Variants in PAPSS1 observed in about 807,000 individuals in gnomAD.
PAPSS1 encodes the protein 3'-phosphoadenosine 5'-phosphosulfate synthase 1.
In PAPSS1, 50 loss-of-function variants were observed where a neutral mutation model predicts 72.0. The ratio of observed to expected loss-of-function variants is 0.69; its 90% CI spans 0.55 to 0.88. PAPSS1 has a LOEUF of 0.88. PAPSS1 is among the 40% of genes least tolerant of loss of function. The probability of loss-of-function intolerance (pLI) is 0.00; values close to 1 mark genes in which losing one functional copy is unlikely to be tolerated. For synonymous variants in PAPSS1, 261 were observed against 263.6 expected (o/e 0.99, Z 0.09); for missense variants, 657 against 782.2 (o/e 0.84, Z 1.91).
At chr4:107,620,023 C>T (rs1212321523) in intron 11 of PAPSS1, among the ~76,000 whole-genome samples, 1 of 152,216 alleles carries the variant, frequency 6.6e-6, no homozygotes, top group East Asian at 1.9e-4. Context: ...CAACCATCTG[C>T]TGTTTCTCAC....
At chr4:107,685,097 G>A (rs1722743636) in intron 4 of PAPSS1, among the ~76,000 whole-genome samples, 2 of 152,130 alleles carry the variant, frequency 1.3e-5, no homozygotes, top group South Asian at 2.1e-4. Flanking sequence ...GTAGAGACGG[G>A]GTTTCACCGT....
chr4:107,634,056 C>T (rs1482491365), intron 10 of PAPSS1, among the ~76,000 whole-genome samples: 1 of 152,050 alleles, frequency 6.6e-6, no homozygotes, highest in Non-Finnish European at 1.5e-5. Flanking sequence ...CTTACTCTGT[C>T]ACTCAGGCTG....
chr4:107,719,907 C>A, intron 1 of PAPSS1: 1 of 1,360,194 alleles, frequency 7.4e-7, no homozygotes, highest in Non-Finnish European at 9.4e-7. Context: ...CCGCACGCTG[C>A]GCCAAGCTAG....
chr4:107,692,759 G>C (rs959528398), intron 3 of PAPSS1, among the ~76,000 whole-genome samples: 1 of 150,722 alleles, frequency 6.6e-6, no homozygotes, highest in Non-Finnish European at 1.5e-5. Flanking sequence ...CGATAGACTG[G>C]ATAAAGAAAA....
At chr4:107,691,553 G>A (rs933471660) in intron 3 of PAPSS1, among the ~76,000 whole-genome samples, 7 of 152,114 alleles carry the variant, frequency 4.6e-5, no homozygotes, top group Non-Finnish European at 1.0e-4. Flanking sequence ...TCCAAGAGCC[G>A]GGCTTGGCAT....
At chr4:107,658,092 A>T (rs954777415) in intron 6 of PAPSS1, among the ~76,000 whole-genome samples, 1 of 152,122 alleles carries the variant, frequency 6.6e-6, no homozygotes, top group African/African-American at 2.4e-5. Context: ...TGCTGGAAAG[A>T]CACAGGAATC....
At chr4:107,623,581 A>C (rs2110297434) in intron 11 of PAPSS1, among the ~76,000 whole-genome samples, 1 of 152,292 alleles carries the variant, frequency 6.6e-6, no homozygotes, top group African/African-American at 2.4e-5. Flanking sequence ...CTTAAAGTAG[A>C]ATGTCCTGCT....
At chr4:107,663,516 G>C (rs1727242153) in intron 5 of PAPSS1, among the ~76,000 whole-genome samples, 1 of 152,186 alleles carries the variant, frequency 6.6e-6, no homozygotes, top group African/African-American at 2.4e-5. Flanking sequence ...AGCTTCATGT[G>C]AATTTTAGTC....
chr4:107,695,865 G>T (rs572068082), intron 2 of PAPSS1, among the ~76,000 whole-genome samples: 1 of 152,114 alleles, frequency 6.6e-6, no homozygotes, highest in African/African-American at 2.4e-5. Flanking sequence ...AATCTACAAG[G>T]AACTTAATAC....
intron 2 of PAPSS1, among the ~76,000 whole-genome samples, chr4:107,700,145 TA>T: frequency 6.6e-6 from 1 of 152,210 alleles, no homozygotes; most frequent in East Asian, 1.9e-4. Context: ...GAAACATGAT[TA>T]AAAAAACAAA....
chr4:107,621,108 C>T (rs897346910), intron 11 of PAPSS1, among the ~76,000 whole-genome samples: 10 of 152,082 alleles, frequency 6.6e-5, no homozygotes, highest in Non-Finnish European at 1.2e-4. Context: ...ACAAGGAGAT[C>T]GATGCTACCT....
At chr4:107,684,388 A>C (rs1332523923) in intron 4 of PAPSS1, among the ~76,000 whole-genome samples, 1 of 152,226 alleles carries the variant, frequency 6.6e-6, no homozygotes, top group African/African-American at 2.4e-5. Flanking sequence ...TATTTTCATC[A>C]AAACATGTTT....
At chr4:107,674,895 A>T (rs563862243) in intron 5 of PAPSS1, among the ~76,000 whole-genome samples, 119 of 152,314 alleles carry the variant, frequency 7.8e-4, no homozygotes, top group African/African-American at 2.8e-3. Flanking sequence ...AAAACCACTC[A>T]ACTACATGGA....
chr4:107,640,798 G>T (rs980887063), intron 10 of PAPSS1, among the ~76,000 whole-genome samples: 1 of 152,126 alleles, frequency 6.6e-6, no homozygotes, highest in East Asian at 1.9e-4. Context: ...TTTTGCTCAG[G>T]CATCAGAGCT....
intron 9 of PAPSS1, 113 bp from the exon 10 acceptor site, chr4:107,645,183 A>G (rs567237826): frequency 1.4e-6 from 1 of 697,100 alleles, no homozygotes; most frequent in East Asian, 3.2e-5. Context: ...AACATATGCA[A>G]ACTCAGAAAT....
intron 7 of PAPSS1, among the ~76,000 whole-genome samples, chr4:107,655,417 T>G (rs1216450836): frequency 1.3e-5 from 2 of 152,130 alleles, no homozygotes; most frequent in East Asian, 3.8e-4. Context: ...ATCCAAAAAG[T>G]TTTTTTAAAT....
chr4:107,657,734 G>A (rs1230683382), intron 6 of PAPSS1, among the ~76,000 whole-genome samples: 2 of 143,416 alleles, frequency 1.4e-5, no homozygotes, highest in Non-Finnish European at 3.0e-5. Flanking sequence ...AGTAGAGTGA[G>A]ACCATGTCTC....
At chr4:107,664,333 T>C (rs1022456780) in intron 5 of PAPSS1, among the ~76,000 whole-genome samples, 2 of 152,166 alleles carry the variant, frequency 1.3e-5, no homozygotes, top group Non-Finnish European at 2.9e-5. Context: ...GTCACAATCC[T>C]AGAGAAGCAG....
intron 2 of PAPSS1, 113 bp from the exon 3 acceptor site, chr4:107,694,119 T>C (rs569689907): frequency 1.4e-6 from 1 of 711,120 alleles, no homozygotes; most frequent in African/African-American, 1.8e-5. Flanking sequence ...CAGGCTGGAG[T>C]GCAGAGGCTG....
Sources: gnomAD v4.1 joint callset for allele counts (sites outside exome capture counted in the v4.1 genomes callset) on GRCh38, gnomAD v4.1.1 for gene constraint, MANE v1.5 for transcripts, NCBI Gene and HGNC (gene_info 2026-07-23, HGNC 2026-07-21) for gene names.